TAF11L14: variants seen among roughly 807,000 people sequenced by gnomAD.
The protein encoded by TAF11L14 is TATA-box binding protein associated factor 11 like 14.
exon 1 of TAF11L14, chr5:17,635,044 C>T (rs1739785985): frequency 2.5e-6 from 1 of 398,350 alleles, no homozygotes; most frequent in African/African-American, 2.1e-5. Flanking sequence ...ATAAAAAAGT[C>T]ATGTTCTAGG....
exon 1 of TAF11L14, chr5:17,634,602 G>A: frequency 2.5e-6 from 1 of 398,440 alleles, no homozygotes; most frequent in Non-Finnish European, 4.4e-6. Flanking sequence ...GAGCTCAGGA[G>A]TGAGGATGTC....
At chr5:17,634,998 G>A (rs1342738693) in exon 1 of TAF11L14, 3 of 398,246 alleles carry the variant, frequency 7.5e-6, no homozygotes, top group South Asian at 2.5e-4. Flanking sequence ...GAGGCTGTTT[G>A]CAGGTTAAAG....
chr5:17,634,775 C>A, exon 1 of TAF11L14: 1 of 398,826 alleles, frequency 2.5e-6, no homozygotes. Context: ...TGAGGAGCAG[C>A]TGTCCCGCTA....
rs145478180 is a variant in TAF11L14, at chr5:17,634,797, G to A, written c.338G>A (p.Arg113His). 122 of 398,614 alleles carry A rather than the reference G, an allele frequency of 3.1e-4. 3 individuals carry two copies. The highest frequency in any genetic ancestry group is 3.0e-3 in the East Asian group (85 of 28,052). 24.7% of individuals were successfully genotyped at this position (398,614 alleles called of 1,614,324 possible). A position where few individuals can be genotyped will look rare whatever the true frequency, so the allele number is the denominator to read the frequency against. Residue 113 changes from arginine (R) to histidine (H), a missense_variant, in exon 1 of 1, where the codon CGC becomes CAC. Coordinates refer to ENST00000512227, the Ensembl canonical transcript of TAF11L14. ...CAGCTGTCCCGCTATGAAGTGTGTC[G>A]CCAGTTAGCTTTCCCAAAAGCACTT...
At chr5:17,634,461 T>G in exon 1 of TAF11L14, 1 of 398,254 alleles carries the variant, frequency 2.5e-6, no homozygotes, top group South Asian at 1.3e-4. Flanking sequence ...ATCTCACCCA[T>G]GGAGACCGGC....
exon 1 of TAF11L14, chr5:17,634,900 G>T: frequency 2.5e-6 from 1 of 398,576 alleles, no homozygotes; most frequent in Non-Finnish European, 4.4e-6. Context: ...GAATAGCCAA[G>T]GTCTTTGTTG....
chr5:17,634,629 T>C (rs940583610), exon 1 of TAF11L14: 5 of 398,278 alleles, frequency 1.3e-5, no homozygotes, highest in African/African-American at 1.0e-4. Context: ...CTCACAGTAG[T>C]TGACAATGAG....
exon 1 of TAF11L14, chr5:17,634,674 A>G (rs1739777357): frequency 2.5e-6 from 1 of 398,924 alleles, no homozygotes; most frequent in East Asian, 3.6e-5. Flanking sequence ...GCCAAAAGAC[A>G]GAAAACAGAT....
exon 1 of TAF11L14, chr5:17,635,017 C>A (rs1259997281): frequency 1.0e-5 from 4 of 398,276 alleles, no homozygotes; most frequent in Non-Finnish European, 1.8e-5. Context: ...AGCCCAAGGG[C>A]CTCTTCCCCA....
the TAF11L14 span, chr5:17,634,849 TG>T: frequency 1.3e-5 from 5 of 398,416 alleles, 1 homozygote; most frequent in Admixed American, 4.4e-5. Context: ...GGTCTATCAC[TG>T]GGAGATCGGT....
chr5:17,634,937 A>G (rs975797089), exon 1 of TAF11L14: 10 of 398,344 alleles, frequency 2.5e-5, no homozygotes, highest in Admixed American at 4.4e-5. Flanking sequence ...GGCCCTGGAC[A>G]TGTGTGAGAT....
At chr5:17,634,757 G>C in exon 1 of TAF11L14, 1 of 398,800 alleles carries the variant, frequency 2.5e-6, no homozygotes, top group African/African-American at 2.1e-5. Flanking sequence ...CCTGCTGTCT[G>C]CCATGTCTGA....
At position 17,634,483 on chromosome 5, in the gene TAF11L14, T is replaced by C. The variant is rs542816815; in HGVS notation, c.24T>C (p.Gly8=). Reference sequence around the variant, plus strand: ...CCATGGAGACCGGCAGGCAAACAGGTGTGTCTGCTGAGATGTTCGCCATAC... The same window carrying C: ...CCATGGAGACCGGCAGGCAAACAGGCGTGTCTGCTGAGATGTTCGCCATAC... Residue 8 remains glycine, a synonymous_variant, in exon 1 of 1, where the codon GGT becomes GGC. Coordinates refer to ENST00000512227, the Ensembl canonical transcript of TAF11L14. The C allele has an allele frequency of 3.8e-5, 15 of 397,866 alleles. 1 individual carries two copies. The East Asian group carries it at 5.3e-4, about 14-fold the overall frequency. The allele number at this position is 397,866 out of a possible 1,614,324, so 24.6% of individuals were successfully genotyped here.
Position 17,634,522 on chromosome 5 carries a change from G to T in TAF11L14, c.63G>T (p.Lys21Asn), listed in dbSNP as rs1739772598. The T allele has an allele frequency of 1.3e-5, 5 of 398,242 alleles. No homozygotes were observed. In the East Asian group the frequency reaches 1.8e-4, roughly 14 times the overall value. The allele number at this position is 398,242 out of a possible 1,614,324, so 24.7% of individuals were successfully genotyped here. ...TGTTCGCCATACCCCGAGGTCTGAA[G>T]GGCTGCAACGAGGATGGAATCCCTG... The change falls in exon 1 of 1, where the codon AAG becomes AAT. Residue 21 changes from lysine (K) to asparagine (N), a missense_variant. Transcript: ENST00000512227.
exon 1 of TAF11L14, chr5:17,634,543 C>T (rs1407668491): frequency 5.0e-6 from 2 of 398,182 alleles, no homozygotes; most frequent in Non-Finnish European, 8.9e-6. Flanking sequence ...AGGATGGAAT[C>T]CCTGAGGCCC....
In TAF11L14 at chr5:17,634,817, G is replaced by A. The variant is rs902482905; in HGVS notation, c.358G>A (p.Ala120Thr). The stretch of plus-strand genomic sequence containing the variant: ...GTGTCGCCAGTTAGCTTTCCCAAAA[G>A]CACTTGTTGCACGTCTGATGTGGTC... Residue 120 changes from alanine (A) to threonine (T), a missense_variant, in exon 1 of 1, where the codon GCA (alanine) becomes ACA (threonine). By Grantham distance (58) the Ala-to-Thr change is moderately conservative. Coordinates refer to ENST00000512227, the Ensembl canonical transcript of TAF11L14. 4 of 398,512 alleles carry A rather than the reference G, an allele frequency of 1.0e-5. No homozygotes were observed. In the Admixed American group the frequency reaches 1.3e-4, roughly 13 times the overall value. 24.7% of individuals were successfully genotyped at this position (398,512 alleles called of 1,614,324 possible).
At chr5:17,634,984 A>G in exon 1 of TAF11L14, 1 of 398,338 alleles carries the variant, frequency 2.5e-6, no homozygotes, top group Non-Finnish European at 4.4e-6. Context: ...CCATGGATTT[A>G]AGGGAGGCTG....
exon 1 of TAF11L14, chr5:17,634,693 C>T (rs373716554): frequency 2.5e-6 from 1 of 399,024 alleles, no homozygotes. Context: ...ATACCAAAGG[C>T]CAGAAGGAGA....
exon 1 of TAF11L14, chr5:17,634,800 A>T (rs1043837953): frequency 2.5e-6 from 1 of 398,644 alleles, no homozygotes; most frequent in Non-Finnish European, 4.4e-6. Flanking sequence ...GTGTGTCGCC[A>T]GTTAGCTTTC....
Sources: gnomAD v4.1 joint callset for allele counts on GRCh38, gnomAD v4.1.1 for gene constraint, MANE v1.5 for transcripts, NCBI Gene and HGNC (gene_info 2026-07-23, HGNC 2026-07-21) for gene names.